The following COMMD8 variants were observed in gnomAD, a reference collection of about 807,000 sequenced individuals.
The protein encoded by COMMD8 is COMM domain-containing protein 8.
Under a neutral mutation model 27.2 loss-of-function variants are expected in COMMD8, and 28 were observed. The ratio of observed to expected loss-of-function variants is 1.03; its 90% confidence interval spans 0.76 to 1.41. The LOEUF is 1.41. Ranked by LOEUF, COMMD8 falls within the 40% of genes most tolerant of loss-of-function variation. The pLI is 0.00. For synonymous variants in COMMD8, 79 were observed against 75.5 expected (o/e 1.05, Z -0.24); for missense variants, 217 against 211.2 (o/e 1.03, Z -0.17).
chr4:47,454,085 T>C (rs1729826203), intron 3 of COMMD8, among the ~76,000 whole-genome samples: 1 of 152,216 alleles, frequency 6.6e-6, no homozygotes, highest in African/African-American at 2.4e-5. Flanking sequence ...TCAGGTTAAC[T>C]ATCTTATGCA....
chr4:47,460,783 G>GT (rs1730003566), intron 1 of COMMD8, among the ~76,000 whole-genome samples: 1 of 152,084 alleles, frequency 6.6e-6, no homozygotes, highest in Non-Finnish European at 1.5e-5. Context: ...TAGGACTGCA[G>GT]ACGAGCACCA....
chr4:47,459,569 C>A (rs571500247), intron 2 of COMMD8, among the ~76,000 whole-genome samples: 1 of 152,194 alleles, frequency 6.6e-6, no homozygotes, highest in Admixed American at 6.5e-5. Flanking sequence ...TCAAATACTA[C>A]AAGGAGTTAA....
At chr4:47,453,029 C>A (rs1729792996) in intron 4 of COMMD8, 30 bp downstream of exon 4, 1 of 1,568,648 alleles carries the variant, frequency 6.4e-7, no homozygotes. Flanking sequence ...CTTAAACATT[C>A]AAATCATATG....
At chr4:47,461,513 C>T (rs948350513) in intron 1 of COMMD8, among the ~76,000 whole-genome samples, 1 of 151,580 alleles carries the variant, frequency 6.6e-6, no homozygotes, top group African/African-American at 2.4e-5. Flanking sequence ...TATACTGTCC[C>T]CATGCTAAAA....
chr4:47,450,904 G>A lies in COMMD8; in HGVS notation c.*741C>T, dbSNP rs1434513185. The A allele has an allele frequency of 6.6e-6, 1 of 152,174 alleles. No individual in the cohort carries two copies. Among genetic ancestry groups the A allele is most frequent in the African/African-American group, 2.4e-5 (1 of 41,452 alleles). The allele number at this position is 152,174 out of a possible 1,614,324, so 9.4% of individuals were successfully genotyped here. A position where few individuals can be genotyped will look rare whatever the true frequency, so the allele number is the denominator to read the frequency against. On this transcript the variant is annotated 3_prime_UTR_variant, in exon 5 of 5. Coordinates refer to ENST00000381571, the MANE Select transcript of COMMD8 (RefSeq NM_017845.5). ...ATTGAGTTTATTAACAAAAGTGGAT[G>A]TGTACATAGTCTTATCTCATATTTG...
chr4:47,451,916 G>A (rs754999080), intron 4 of COMMD8, among the ~76,000 whole-genome samples: 2 of 152,204 alleles, frequency 1.3e-5, no homozygotes, highest in Non-Finnish European at 2.9e-5. Flanking sequence ...TGAGCTGCTC[G>A]TTTGGTTAAT....
chr4:47,459,168 T>C (rs1443932222), intron 2 of COMMD8, among the ~76,000 whole-genome samples: 1 of 152,106 alleles, frequency 6.6e-6, no homozygotes, highest in Non-Finnish European at 1.5e-5. Flanking sequence ...TTAAATTTCA[T>C]AACTTGTTTC....
chr4:47,455,444 CT>C (rs1244884245), intron 3 of COMMD8, among the ~76,000 whole-genome samples: 1 of 152,082 alleles, frequency 6.6e-6, no homozygotes, highest in African/African-American at 2.4e-5. Context: ...CATTTGGTCA[CT>C]GATTGTAATT....
At chr4:47,461,769 G>A (rs948402486) in intron 1 of COMMD8, among the ~76,000 whole-genome samples, 15 of 151,272 alleles carry the variant, frequency 9.9e-5, no homozygotes, top group Admixed American at 3.3e-4. Flanking sequence ...CAACTCTGAA[G>A]TAACCATTGT....
rs1560391331 is a variant in COMMD8, at chr4:47,460,131, G to A, written c.222+13C>T. On this transcript the variant is annotated intron_variant, in intron 2 of 4. Coordinates refer to ENST00000381571, the MANE Select transcript of COMMD8 (RefSeq NM_017845.5). ...TATTTATTGTAAGTTATAGAAATGT[G>A]CAGAGAAGTTACCTCTTCATCAGGT... is the stretch of plus-strand genomic sequence containing the variant. The A allele has an allele frequency of 6.2e-7, 1 of 1,608,890 alleles. No homozygotes were observed. Among genetic ancestry groups the A allele is most frequent in the South Asian group, 1.1e-5 (1 of 90,442 alleles).
At chr4:47,457,930 T>G (rs1001862995) in intron 2 of COMMD8, among the ~76,000 whole-genome samples, 1 of 151,076 alleles carries the variant, frequency 6.6e-6, no homozygotes, top group Non-Finnish European at 1.5e-5. Flanking sequence ...TCAAGAGATA[T>G]ATAAAAAAAA....
At chr4:47,452,519 T>A (rs1431408820) in intron 4 of COMMD8, among the ~76,000 whole-genome samples, 1 of 151,768 alleles carries the variant, frequency 6.6e-6, no homozygotes, top group Non-Finnish European at 1.5e-5. Flanking sequence ...ATAGCACTAT[T>A]ATTCTTTCAA....
At chr4:47,463,552 G>A in intron 1 of COMMD8, 34 bp downstream of exon 1, 1 of 1,533,984 alleles carries the variant, frequency 6.5e-7, no homozygotes, top group Non-Finnish European at 8.8e-7. Flanking sequence ...CGAATCCCAG[G>A]CCCCGCGCCG....
At chr4:47,455,781 T>C (rs761092415) in intron 3 of COMMD8, among the ~76,000 whole-genome samples, 1 of 152,192 alleles carries the variant, frequency 6.6e-6, no homozygotes, top group Non-Finnish European at 1.5e-5. Flanking sequence ...CTAGGTATCT[T>C]ATAAGGACAA....
At position 47,463,571 on chromosome 4, in the gene COMMD8, G is replaced by C. The variant is rs758717461; in HGVS notation, c.66+15C>G. 3.2e-6 allele frequency: 5 copies of C among 1,541,498 alleles called. No homozygotes were observed. The highest frequency in any genetic ancestry group is 3.9e-5 in the Admixed American group (2 of 50,812). On this transcript the variant is annotated intron_variant, in intron 1 of 4. Transcript: ENST00000381571. ...TCCCAGGCCCCGCGCCGCTTCCCCC[G>C]GTACCCGCCCTCACCTGCGGGCCCA...
intron 1 of COMMD8, among the ~76,000 whole-genome samples, chr4:47,461,888 AT>A (rs1404483213): frequency 6.6e-6 from 1 of 152,244 alleles, no homozygotes; most frequent in Non-Finnish European, 1.5e-5. Flanking sequence ...GTAATTTAGA[AT>A]GATGGGGCCA....
chr4:47,456,267 C>CATATATATATATAT (rs34279197), intron 3 of COMMD8, among the ~76,000 whole-genome samples: 85 of 118,978 alleles, frequency 7.1e-4, no homozygotes, highest in East Asian at 1.7e-3. Context: ...ATAAATTATA[C>CATATATATATATAT]ATATATATAT....
chr4:47,460,541 T>C (rs1462065469), intron 1 of COMMD8, among the ~76,000 whole-genome samples: 1 of 150,888 alleles, frequency 6.6e-6, no homozygotes, highest in African/African-American at 2.5e-5. Flanking sequence ...AATTACATAA[T>C]GAAAAAACTA....
rs1729742142 is a variant in COMMD8, at chr4:47,451,178, C to T, written c.*467G>A. The T allele has an allele frequency of 6.5e-6, 1 of 153,072 alleles. No homozygotes were observed. The highest frequency in any genetic ancestry group is 1.5e-5 in the Non-Finnish European group (1 of 68,772). The allele number at this position is 153,072 out of a possible 1,614,324, so 9.5% of individuals were successfully genotyped here. ...GAAATATGAGAAAGACATGGAATCT[C>T]CTGAGTTATATATGCAGCTTATACA... On this transcript the variant is annotated 3_prime_UTR_variant, in exon 5 of 5. Coordinates refer to ENST00000381571, the MANE Select transcript of COMMD8 (RefSeq NM_017845.5).
Sources: gnomAD v4.1 joint callset for allele counts (sites outside exome capture counted in the v4.1 genomes callset) on GRCh38, gnomAD v4.1.1 for gene constraint, MANE v1.5 for transcripts, NCBI Gene and HGNC (gene_info 2026-07-23, HGNC 2026-07-21) for gene names.